FAM193A: variants seen among roughly 807,000 people sequenced by gnomAD.
The protein encoded by FAM193A is family with sequence similarity 193 member A, also known as protein FAM193A.
A neutral mutation model predicts 126.5 loss-of-function variants in FAM193A; 22 were observed. The observed-to-expected ratio is 0.17, with a 90% CI of 0.12 to 0.25. FAM193A has a LOEUF of 0.25. FAM193A is among the 10% of genes least tolerant of loss of function. The pLI is 1.00. For synonymous variants in FAM193A, 761 were observed against 646.8 expected, an observed-to-expected ratio of 1.18 and a Z score of -2.68; for missense variants, 1,675 against 1,672.8, an observed-to-expected ratio of 1.00 and a Z score of -0.02.
At chr4:2,607,850 A>G (rs1741634747) in intron 2 of FAM193A, 1 of 613,224 alleles carries the variant, frequency 1.6e-6, no homozygotes, top group Non-Finnish European at 2.8e-6. Flanking sequence ...TACACTCAGT[A>G]GCAGCTCTTT....
intron 1 of FAM193A, among the ~76,000 whole-genome samples, chr4:2,588,511 C>G (rs1263511999): frequency 6.6e-6 from 1 of 152,076 alleles, no homozygotes; most frequent in Non-Finnish European, 1.5e-5. Context: ...CAGGGGAGCA[C>G]AGGTGATGGT....
chr4:2,680,843 T>C (rs547072359), intron 13 of FAM193A, among the ~76,000 whole-genome samples: 46 of 152,186 alleles, frequency 3.0e-4, no homozygotes, highest in Non-Finnish European at 4.4e-4. Context: ...GGTTTCACCA[T>C]GTTGGTCAGG....
chr4:2,681,145 A>G (rs776019209), intron 13 of FAM193A, among the ~76,000 whole-genome samples: 5 of 151,034 alleles, frequency 3.3e-5, no homozygotes, highest in Admixed American at 2.0e-4. Flanking sequence ...GTGCGCCACC[A>G]CTCCCAGCCC....
intron 19 of FAM193A, among the ~76,000 whole-genome samples, chr4:2,701,770 A>G (rs1021487361): frequency 5.3e-5 from 8 of 151,202 alleles, no homozygotes; most frequent in African/African-American, 2.0e-4. Context: ...CTGTGTTGTC[A>G]TATGGTGATT....
At chr4:2,671,144 T>C (rs1337801123) in intron 12 of FAM193A, among the ~76,000 whole-genome samples, 1 of 152,186 alleles carries the variant, frequency 6.6e-6, no homozygotes, top group Non-Finnish European at 1.5e-5. Flanking sequence ...AAGTCAGCTG[T>C]GTTGGCCCCT....
Position 2,700,389 on chromosome 4 carries a change from T to C in FAM193A, c.4217T>C (p.Ile1406Thr), listed in dbSNP as rs1246018942. Residue 1406 changes from isoleucine (I) to threonine (T), a missense_variant, in exon 19 of 21, where the codon ATC (isoleucine) becomes ACC (threonine). Ile to Thr is a moderately conservative substitution (Grantham distance 89). Around this residue, in one of 4 missense-constraint regions of FAM193A, gnomAD observed 415 missense variants for 396.7 expected, o/e 1.05. Coordinates refer to ENST00000637812, the MANE Select transcript of FAM193A (RefSeq NM_001366318.2). ...AATAACAAAAAGCAGCTGAACCACATCAAGGACGAAAAGTCAAACCCAACC... is the reference window on the plus strand; with the variant it reads ...AATAACAAAAAGCAGCTGAACCACACCAAGGACGAAAAGTCAAACCCAACC... ...NNNNKKQLNH[I>T]KDEKSNPTPM... The C allele has an allele frequency of 6.2e-7, 1 of 1,613,826 alleles. No individual in the cohort carries two copies. Among genetic ancestry groups the C allele is most frequent in the Admixed American group, 1.7e-5 (1 of 59,956 alleles).
chr4:2,586,244 CAAA>C (rs71178483), intron 1 of FAM193A, among the ~76,000 whole-genome samples: 1 of 143,534 alleles, frequency 7.0e-6, no homozygotes, highest in Middle Eastern at 3.2e-3. Flanking sequence ...AACTCCGTCT[CAAA>C]AAAAAAAATA....
chr4:2,571,414 A>G (rs1440876493), intron 1 of FAM193A, among the ~76,000 whole-genome samples: 4 of 152,156 alleles, frequency 2.6e-5, no homozygotes, highest in South Asian at 4.2e-4. Flanking sequence ...TTGGTTATGT[A>G]TAAAAAATTT....
At chr4:2,706,919 G>A (rs566802237) in intron 19 of FAM193A, among the ~76,000 whole-genome samples, 6 of 151,698 alleles carry the variant, frequency 4.0e-5, no homozygotes, top group Middle Eastern at 3.4e-3. Flanking sequence ...TCAGGAGTTC[G>A]AGATCAGCCT....
At chr4:2,693,365 A>G (rs1016502235) in intron 15 of FAM193A, among the ~76,000 whole-genome samples, 3 of 152,208 alleles carry the variant, frequency 2.0e-5, no homozygotes, top group Admixed American at 6.5e-5. Flanking sequence ...TGAGGAGTTC[A>G]TACCGAAGTG....
At chr4:2,598,916 G>A (rs1203545075) in intron 2 of FAM193A, among the ~76,000 whole-genome samples, 1 of 152,224 alleles carries the variant, frequency 6.6e-6, no homozygotes, top group African/African-American at 2.4e-5. Context: ...TGTGCTCACG[G>A]CCTTGGGGGC....
Position 2,663,172 on chromosome 4 carries a change from G to C in FAM193A, c.1963G>C (p.Glu655Gln). The change falls in exon 12 of 21, where the codon GAG (glutamate) becomes CAG (glutamine). Residue 655 changes from glutamate (E) to glutamine (Q), a missense_variant. Physicochemically the swap from Glu to Gln is conservative, Grantham distance 29 (BLOSUM62 2). Around this residue, in one of 4 missense-constraint regions of FAM193A, gnomAD observed 1,186 missense variants for 1,109.2 expected, o/e 1.07. Transcript: ENST00000637812. ...AGCTGATGATGAAGAAGCGGACGGCGAGAGTAGTGGGGAGCCCCCAGGGGC... is the reference window on the plus strand; with the variant it reads ...AGCTGATGATGAAGAAGCGGACGGCCAGAGTAGTGGGGAGCCCCCAGGGGC... Reference protein sequence around the residue: ...SEADDEEADGESSGEPPGAPK... With the variant: ...SEADDEEADGQSSGEPPGAPK... 6.2e-7 allele frequency: 1 copy of C among 1,614,200 alleles called. No homozygotes were observed. Among genetic ancestry groups the C allele is most frequent in the Non-Finnish European group, 8.5e-7 (1 of 1,180,026 alleles).
intron 20 of FAM193A, among the ~76,000 whole-genome samples, chr4:2,729,542 G>C (rs2109442035): frequency 6.6e-6 from 1 of 152,284 alleles, no homozygotes. Flanking sequence ...TTCCACTCCT[G>C]TTCTAAAACT....
intron 18 of FAM193A, among the ~76,000 whole-genome samples, chr4:2,698,471 G>A (rs1479275974): frequency 1.3e-5 from 2 of 152,172 alleles, no homozygotes; most frequent in Non-Finnish European, 2.9e-5. Flanking sequence ...GGAGAAGGAT[G>A]TTAAATAATT....
At chr4:2,539,149 C>T (rs1008083551) in intron 1 of FAM193A, among the ~76,000 whole-genome samples, 2 of 152,152 alleles carry the variant, frequency 1.3e-5, no homozygotes, top group Non-Finnish European at 2.9e-5. Flanking sequence ...GCTTTGGCCT[C>T]TCAAAGTCCT....
chr4:2,577,126 A>G (rs961763705), intron 1 of FAM193A, among the ~76,000 whole-genome samples: 11 of 151,570 alleles, frequency 7.3e-5, no homozygotes, highest in Admixed American at 1.3e-4. Flanking sequence ...TCCGTGTAAT[A>G]TTTATTCCAG....
At chr4:2,714,006 T>C (rs771475491) in intron 19 of FAM193A, among the ~76,000 whole-genome samples, 5 of 152,230 alleles carry the variant, frequency 3.3e-5, no homozygotes, top group Non-Finnish European at 7.3e-5. Context: ...AGACTGATTA[T>C]TCTAGTTCTA....
In FAM193A at chr4:2,699,690, A is replaced by G; in HGVS notation, c.3518A>G (p.Lys1173Arg). ...TTTTTGCATTGGCAGCTGGAGGAGA[A>G]AGCTCGCCTAGAAGCAGAGGCCAGG... ...ARHKQRKLEE[K>R]ARLEAEARAR... The change falls in exon 19 of 21, where the codon AAA becomes AGA. Residue 1173 changes from lysine to arginine, a missense_variant. This residue lies in a region of FAM193A where 415 missense variants were observed against 396.7 expected (regional missense o/e 1.05). Coordinates refer to ENST00000637812, the MANE Select transcript of FAM193A (RefSeq NM_001366318.2). 1 of 1,592,400 alleles carries G rather than the reference A, an allele frequency of 6.3e-7. No individual in the cohort carries two copies. The highest frequency in any genetic ancestry group is 8.5e-7 in the Non-Finnish European group (1 of 1,172,146).
rs1736897204 is a variant in FAM193A, at chr4:2,536,761, C to T, written c.-155C>T. ...CGGCCTGCCCCGCAGCTCCCGCCCGCCCCAGCCCTCCCCGACCCGGACGCG... is the reference window on the plus strand; with the variant it reads ...CGGCCTGCCCCGCAGCTCCCGCCCGTCCCAGCCCTCCCCGACCCGGACGCG... On this transcript the variant is annotated 5_prime_UTR_variant, in exon 1 of 21. Coordinates refer to ENST00000637812, the MANE Select transcript of FAM193A (RefSeq NM_001366318.2). 6.7e-6 allele frequency: 1 copy of T among 149,220 alleles called. No homozygotes were observed. The highest frequency in any genetic ancestry group is 6.7e-5 in the Admixed American group (1 of 15,004). 9.2% of individuals were successfully genotyped at this position (149,220 alleles called of 1,614,324 possible).
Sources: allele counts gnomAD v4.1 joint callset (sites outside exome capture counted in the v4.1 genomes callset), GRCh38; gene constraint gnomAD v4.1.1; regional missense constraint gnomAD v4.1.1; transcripts MANE v1.5; gene names NCBI Gene and HGNC (gene_info 2026-07-23, HGNC 2026-07-21).